PCDHGB5: variants seen among roughly 807,000 people sequenced by gnomAD.
The protein encoded by PCDHGB5 is protocadherin gamma subfamily B, 5.
Under a neutral mutation model 62.9 loss-of-function variants are expected in PCDHGB5, and 48 were observed. The observed-to-expected ratio is 0.76, with a 90% confidence interval of 0.61 to 0.97. The LOEUF is 0.97. PCDHGB5 is among the 50% of genes least tolerant of loss of function. The pLI is 0.00. For synonymous variants in PCDHGB5, 474 were observed against 511.2 expected (o/e 0.93, Z 0.98); for missense variants, 1,118 against 1,198.6 (o/e 0.93, Z 0.99).
chr5:141,444,640 G>A (rs192148868), intron 1 of PCDHGB5, among the ~76,000 whole-genome samples: 3 of 152,196 alleles, frequency 2.0e-5, no homozygotes, highest in Non-Finnish European at 2.9e-5. Flanking sequence ...GTTCATTGAG[G>A]TAGGGGTTGA....
intron 1 of PCDHGB5, 138 bp from the exon 2 acceptor site, chr5:141,494,669 T>A: frequency 6.5e-7 from 1 of 1,527,472 alleles, no homozygotes; most frequent in South Asian, 1.2e-5. Context: ...TGGAGATGAG[T>A]CCACCCCTGC....
chr5:141,414,466 G>A, intron 1 of PCDHGB5: 1 of 1,613,872 alleles, frequency 6.2e-7, no homozygotes, highest in Non-Finnish European at 8.5e-7. Flanking sequence ...AGCCACAGAT[G>A]GGGGAAGTCC....
At position 141,505,504 on chromosome 5, in the gene PCDHGB5, T is replaced by C. The variant is rs756583857; in HGVS notation, c.2545+23T>C. The C allele has an allele frequency of 9.3e-6, 15 of 1,614,020 alleles. No individual in the cohort carries two copies. The African/African-American group carries it at 1.2e-4, about 13-fold the overall frequency. ...GTGGTAAGTGGTGTCAGTGTGTGTA[T>C]GGAAGAGTGGGAGACCTGGGGTTCT... On this transcript the variant is annotated intron_variant, in intron 3 of 3. Transcript: ENST00000617380.
At chr5:141,442,005 C>G (rs1037210381) in intron 1 of PCDHGB5, 1 of 229,014 alleles carries the variant, frequency 4.4e-6, no homozygotes. Flanking sequence ...GCTGACAGCT[C>G]GCACGATGGG....
In PCDHGB5 at chr5:141,453,101, TTTTTG is replaced by T. The variant is rs879618609; in HGVS notation, c.2398-41681_2398-41677del. ...GTTGATTAGTATATTTTCTGTTGCT[TTTTTG>T]TTTTGTTTTGTTTTGTTTTGTTTTT... On this transcript the variant is annotated intron_variant, in intron 1 of 3. Transcript: ENST00000617380. 4.4e-4 allele frequency among the ~76,000 whole-genome samples: 67 copies of T among 152,130 alleles called. 1 individual carries two copies. Among genetic ancestry groups the T allele is most frequent in the African/African-American group, 1.4e-3 (58 of 41,484 alleles).
intron 1 of PCDHGB5, among the ~76,000 whole-genome samples, chr5:141,426,098 A>T (rs144349682): frequency 6.6e-6 from 1 of 152,356 alleles, no homozygotes; most frequent in Non-Finnish European, 1.5e-5. Flanking sequence ...TATTCTGTTC[A>T]GTCACAGAAG....
intron 1 of PCDHGB5, chr5:141,421,807 G>C (rs1435916603): frequency 6.2e-7 from 1 of 1,613,852 alleles, no homozygotes; most frequent in Admixed American, 1.7e-5. Flanking sequence ...CAAGAATCCA[G>C]AGCTAGTACT....
intron 1 of PCDHGB5, among the ~76,000 whole-genome samples, chr5:141,462,798 C>A (rs1458659959): frequency 6.6e-6 from 1 of 152,072 alleles, no homozygotes; most frequent in Non-Finnish European, 1.5e-5. Flanking sequence ...ATTTGCATGT[C>A]TAATAATGTT....
At chr5:141,483,917 T>A (rs565465724) in intron 1 of PCDHGB5, among the ~76,000 whole-genome samples, 2 of 151,262 alleles carry the variant, frequency 1.3e-5, no homozygotes, top group South Asian at 4.2e-4. Context: ...CCCACTCAGA[T>A]TGCAGGTCGT....
chr5:141,430,953 G>A (rs2097330054), intron 1 of PCDHGB5: 1 of 1,611,124 alleles, frequency 6.2e-7, no homozygotes, highest in African/African-American at 1.3e-5. Context: ...CGCGGAGTCC[G>A]CATCATCCCC....
intron 1 of PCDHGB5, chr5:141,408,014 C>G (rs2095025916): frequency 5.0e-6 from 5 of 1,001,096 alleles, no homozygotes; most frequent in Non-Finnish European, 7.0e-6. Flanking sequence ...CCTGCGCAGC[C>G]AACAACAGAA....
chr5:141,490,098 T>C lies in PCDHGB5; in HGVS notation c.2398-4709T>C, dbSNP rs774132407. On this transcript the variant is annotated intron_variant, in intron 1 of 3. Transcript: ENST00000617380. The surrounding 1 kb of genome is among the most constrained non-coding windows in gnomAD (Gnocchi z 5.4). ...ACTATTCTTTTGGAGACCACACATCTGAGGCAGTGCGGAACCTCTTTGGCC... is the reference window on the plus strand; with the variant it reads ...ACTATTCTTTTGGAGACCACACATCCGAGGCAGTGCGGAACCTCTTTGGCC... The C allele has an allele frequency of 6.2e-7, 1 of 1,614,260 alleles. No homozygotes were observed. The highest frequency in any genetic ancestry group is 8.5e-7 in the Non-Finnish European group (1 of 1,180,038).
At chr5:141,425,289 A>C (rs17208404) in intron 1 of PCDHGB5, among the ~76,000 whole-genome samples, 26,691 of 152,172 alleles carry the variant, frequency 0.18, 2,539 homozygotes, top group Admixed American at 0.28. Flanking sequence ...CATATTATAA[A>C]ACCTCATCTA....
intron 3 of PCDHGB5, among the ~76,000 whole-genome samples, chr5:141,509,504 C>T (rs534951697): frequency 4.7e-4 from 72 of 152,246 alleles, no homozygotes; most frequent in Non-Finnish European, 8.4e-4. Flanking sequence ...CTGGATGTGA[C>T]GGTGTTGATG....
At chr5:141,427,694 A>G in intron 1 of PCDHGB5, 2 of 913,934 alleles carry the variant, frequency 2.2e-6, no homozygotes, top group South Asian at 1.4e-5. Flanking sequence ...CCTCCATCCC[A>G]CAAGTCAGCG....
intron 1 of PCDHGB5, chr5:141,405,408 TTTTTTTG>T (rs2094659443): frequency 2.5e-6 from 4 of 1,572,390 alleles, no homozygotes; most frequent in African/African-American, 1.4e-5. Flanking sequence ...CTTTCTTTTC[TTTTTTTG>T]TTTTTTGTTT....
intron 1 of PCDHGB5, chr5:141,423,031 A>G (rs761268652): frequency 1.2e-6 from 2 of 1,614,096 alleles, no homozygotes; most frequent in East Asian, 2.2e-5. Flanking sequence ...TTCAGGCCAG[A>G]ACGCCTGGCT....
At chr5:141,454,311 T>C (rs755771201) in intron 1 of PCDHGB5, among the ~76,000 whole-genome samples, 1 of 152,216 alleles carries the variant, frequency 6.6e-6, no homozygotes, top group Non-Finnish European at 1.5e-5. Context: ...TTTCAAAGCA[T>C]TGAAACCTCC....
At position 141,487,934 on chromosome 5, in the gene PCDHGB5, C is replaced by G; in HGVS notation, c.2398-6873C>G. 4.9e-6 allele frequency: 3 copies of G among 607,674 alleles called. No individual in the cohort carries two copies. Among genetic ancestry groups the G allele is most frequent in the Non-Finnish European group, 5.8e-6 (2 of 347,576 alleles). The allele number at this position is 607,674 out of a possible 1,614,324, so 37.6% of individuals were successfully genotyped here. A position where few individuals can be genotyped will look rare whatever the true frequency, so the allele number is the denominator to read the frequency against. On this transcript the variant is annotated intron_variant, in intron 1 of 3. Transcript: ENST00000617380. The surrounding 1 kb of genome is among the most constrained non-coding windows in gnomAD (Gnocchi z 5.0). ...ACAGGAGGCTACAGTGCACAGGGTA[C>G]AGTGCACCAGGCAGTCACTTGGACA... is the stretch of plus-strand genomic sequence containing the variant.
Sources: allele counts gnomAD v4.1 joint callset (sites outside exome capture counted in the v4.1 genomes callset), GRCh38; gene constraint gnomAD v4.1.1; non-coding constraint Gnocchi (gnomAD v3.1); transcripts MANE v1.5; gene names NCBI Gene and HGNC (gene_info 2026-07-23, HGNC 2026-07-21).